Variants in CATSPERB observed in about 807,000 individuals in gnomAD.
The protein encoded by CATSPERB is cation channel sperm-associated auxiliary subunit beta.
A neutral mutation model predicts 128.3 loss-of-function variants in CATSPERB; 93 were observed. That is an observed-to-expected ratio of 0.72 (90% confidence interval 0.61 to 0.86). CATSPERB has a LOEUF of 0.86. Ranked by LOEUF, CATSPERB falls within the 40% of genes least tolerant of loss-of-function variation. CATSPERB has a pLI of 0.00. For missense variants in CATSPERB, 1,153 were observed against 1,329.5 expected, an observed-to-expected ratio of 0.87 and a Z score of 2.06; for synonymous variants, 381 against 448.8, an observed-to-expected ratio of 0.85 and a Z score of 1.91.
chr14:91,704,384 C>A (rs775881826), intron 7 of CATSPERB, among the ~76,000 whole-genome samples, 168 bp downstream of exon 7: 13 of 152,176 alleles, frequency 8.5e-5, no homozygotes, highest in Non-Finnish European at 1.6e-4. Flanking sequence ...CTTAGTATAT[C>A]ATACTTGGAA....
At chr14:91,593,127 A>G (rs549473739) in intron 22 of CATSPERB, among the ~76,000 whole-genome samples, 24 of 152,338 alleles carry the variant, frequency 1.6e-4, no homozygotes, top group African/African-American at 5.5e-4. Flanking sequence ...TTTCAGATGT[A>G]TGGAAACACC....
intron 20 of CATSPERB, among the ~76,000 whole-genome samples, chr14:91,614,274 A>G (rs527766042): frequency 2.9e-5 from 4 of 137,048 alleles, no homozygotes; most frequent in African/African-American, 5.2e-5. Flanking sequence ...GAGCCAATCC[A>G]GGTAGTCTTC....
intron 22 of CATSPERB, chr14:91,604,837 A>G (rs2139771643): frequency 6.6e-7 from 1 of 1,514,616 alleles, no homozygotes; most frequent in Admixed American, 1.7e-5. Context: ...CACCATTGCT[A>G]TTCTTTGGCC....
At chr14:91,725,845 C>T (rs1352189681) in intron 2 of CATSPERB, among the ~76,000 whole-genome samples, 2 of 152,170 alleles carry the variant, frequency 1.3e-5, no homozygotes, top group East Asian at 1.9e-4. Flanking sequence ...TGTTTTCGTG[C>T]CCAGAAGTTG....
Position 91,610,501 on chromosome 14 carries a change from A to T in CATSPERB, c.2577T>A (p.Phe859Leu), listed in dbSNP as rs768015336. The T allele has an allele frequency of 4.1e-5, 66 of 1,613,702 alleles. No homozygotes were observed. Among genetic ancestry groups the T allele is most frequent in the Non-Finnish European group, 4.7e-5 (55 of 1,180,008 alleles). Reference protein sequence around the residue: ...ISGVHKDSQGFNLIKTLPINY... With the variant: ...ISGVHKDSQGLNLIKTLPINY... ...TTACCGGCAAAGTTTTGATGAGGTT[A>T]AAACCCTGACTGTCTTTATGAACTC... The change falls in exon 21 of 27, where the codon TTT becomes TTA. Residue 859 changes from phenylalanine to leucine, a missense_variant. Physicochemically the swap from Phe to Leu is conservative, Grantham distance 22. Coordinates refer to ENST00000256343, the MANE Select transcript of CATSPERB (RefSeq NM_024764.4).
chr14:91,685,197 G>A (rs1463840895), intron 10 of CATSPERB, among the ~76,000 whole-genome samples: 1 of 152,106 alleles, frequency 6.6e-6, no homozygotes, highest in Admixed American at 6.5e-5. Flanking sequence ...AAAGCACTGG[G>A]ACTATAGGCA....
At chr14:91,631,738 C>T (rs1595155499) in intron 17 of CATSPERB, among the ~76,000 whole-genome samples, 1 of 152,134 alleles carries the variant, frequency 6.6e-6, no homozygotes, top group East Asian at 1.9e-4. Flanking sequence ...ACTTCAGAAA[C>T]TGTAATATTT....
intron 11 of CATSPERB, among the ~76,000 whole-genome samples, chr14:91,680,290 C>T (rs1364332048): frequency 1.3e-5 from 2 of 152,134 alleles, no homozygotes; most frequent in South Asian, 2.1e-4. Context: ...TCCTTCTAGG[C>T]CCAGGGACTA....
rs1022694295 is a variant in CATSPERB, at chr14:91,621,558, G to A, written c.2260+50C>T. 6 of 1,374,794 alleles carry A rather than the reference G, an allele frequency of 4.4e-6. No homozygotes were observed. In the African/African-American group the frequency reaches 7.3e-5, roughly 17 times the overall value. 85.2% of individuals were successfully genotyped at this position (1,374,794 alleles called of 1,614,324 possible). On this transcript the variant is annotated intron_variant, in intron 19 of 26. Transcript: ENST00000256343. ...ATCAAAGAGTATATTTCACATTCAA[G>A]AAAAGAAATAACATTTCCTTTTTAT...
intron 17 of CATSPERB, among the ~76,000 whole-genome samples, chr14:91,633,336 A>G (rs1359152769): frequency 6.6e-6 from 1 of 152,200 alleles, no homozygotes; most frequent in African/African-American, 2.4e-5. Context: ...GCCTAGTCCT[A>G]GGCCATAAAG....
At chr14:91,675,099 G>C (rs1285649) in intron 11 of CATSPERB, among the ~76,000 whole-genome samples, 108,321 of 152,186 alleles carry the variant, frequency 0.71, 38,905 homozygotes, top group East Asian at 0.83. Flanking sequence ...TACAAATTTG[G>C]TAGTCCCTTT....
At chr14:91,647,164 G>C (rs1894620259) in intron 15 of CATSPERB, among the ~76,000 whole-genome samples, 1 of 152,230 alleles carries the variant, frequency 6.6e-6, no homozygotes, top group Non-Finnish European at 1.5e-5. Flanking sequence ...TAACCTCTCA[G>C]ACAGGTTTTT....
intron 18 of CATSPERB, 28 bp from the exon 19 acceptor site, chr14:91,621,965 A>G: frequency 6.8e-7 from 1 of 1,460,186 alleles, no homozygotes; most frequent in Non-Finnish European, 9.3e-7. Context: ...GAGACTTGGT[A>G]TTAAATCAAA....
At chr14:91,679,232 A>T (rs1895241303) in intron 11 of CATSPERB, among the ~76,000 whole-genome samples, 1 of 152,200 alleles carries the variant, frequency 6.6e-6, no homozygotes, top group South Asian at 2.1e-4. Flanking sequence ...TCTGATAAAC[A>T]GTTCAGGATT....
intron 22 of CATSPERB, chr14:91,592,250 A>G (rs1893422372): frequency 4.2e-6 from 2 of 471,962 alleles, no homozygotes; most frequent in Non-Finnish European, 7.6e-6. Flanking sequence ...GTGCAGTTGC[A>G]TGGGACCTAG....
intron 22 of CATSPERB, among the ~76,000 whole-genome samples, chr14:91,607,076 T>C (rs1893719497): frequency 4.1e-4 from 2 of 4,894 alleles, no homozygotes; most frequent in South Asian, 0.03. Flanking sequence ...TAATTGTGTG[T>C]GTGTGGGCGG....
chr14:91,658,643 A>G (rs2139820044), intron 15 of CATSPERB, among the ~76,000 whole-genome samples: 1 of 148,072 alleles, frequency 6.8e-6, no homozygotes, highest in South Asian at 2.2e-4. Flanking sequence ...GTATCAAAAT[A>G]TCTCATGTAT....
At chr14:91,652,411 C>T (rs944143207) in intron 15 of CATSPERB, among the ~76,000 whole-genome samples, 13 of 151,438 alleles carry the variant, frequency 8.6e-5, no homozygotes, top group Admixed American at 4.0e-4. Context: ...GTAATCCCAA[C>T]ATTTTGGGAG....
intron 5 of CATSPERB, among the ~76,000 whole-genome samples, chr14:91,716,904 A>G (rs970989518): frequency 6.6e-6 from 1 of 152,208 alleles, no homozygotes; most frequent in Non-Finnish European, 1.5e-5. Flanking sequence ...ACTACTTGGT[A>G]TTAGCTAAAT....
Sources: allele counts gnomAD v4.1 joint callset (sites outside exome capture counted in the v4.1 genomes callset), GRCh38; gene constraint gnomAD v4.1.1; transcripts MANE v1.5; gene names NCBI Gene and HGNC (gene_info 2026-07-23, HGNC 2026-07-21).